Variants in PLA2G12A observed in about 807,000 individuals in gnomAD.
PLA2G12A encodes group XIIA secretory phospholipase A2.
Under a neutral mutation model 16.0 loss-of-function variants are expected in PLA2G12A, and 11 were observed. That is an observed-to-expected ratio of 0.69 (90% CI 0.43 to 1.13). The LOEUF (loss-of-function observed/expected upper bound fraction) is 1.13. Ranked by LOEUF, PLA2G12A falls within the 50% of genes most tolerant of loss-of-function variation. PLA2G12A has a pLI of 0.00. For synonymous variants in PLA2G12A, 77 were observed against 93.8 expected, an observed-to-expected ratio of 0.82 and a Z score of 1.03; for missense variants, 214 against 237.3, an observed-to-expected ratio of 0.90 and a Z score of 0.65.
At chr4:109,721,599 C>T (rs1164977784) in intron 1 of PLA2G12A, among the ~76,000 whole-genome samples, 1 of 152,144 alleles carries the variant, frequency 6.6e-6, no homozygotes, top group Non-Finnish European at 1.5e-5. Flanking sequence ...GGATTACAGG[C>T]ATGAGCCACC....
rs370903532 is a variant in PLA2G12A, at chr4:109,729,787, G to A, written c.23C>T (p.Ala8Val). The A allele has an allele frequency of 7.7e-6, 12 of 1,556,582 alleles. No individual in the cohort carries two copies. The highest frequency in any genetic ancestry group is 1.0e-5 in the Non-Finnish European group (12 of 1,150,972). Residue 8 changes from alanine (A) to valine (V), a missense_variant, in exon 1 of 4, where the codon GCG becomes GTG. Transcript: ENST00000243501. ...CATGAGGAGGAGCAGGAGGGTGAGCGCGGGGCGCGAGAGCAGGGCCATGCG... is the reference window on the plus strand; with the variant it reads ...CATGAGGAGGAGCAGGAGGGTGAGCACGGGGCGCGAGAGCAGGGCCATGCG... MALLSRP[A>V]LTLLLLLMAA... is the part of the protein sequence containing the mutation.
At chr4:109,721,507 A>G (rs1730943719) in intron 1 of PLA2G12A, among the ~76,000 whole-genome samples, 1 of 152,024 alleles carries the variant, frequency 6.6e-6, no homozygotes, top group Non-Finnish European at 1.5e-5. Context: ...TTTTTAGTAG[A>G]GACGGGGCTT....
At chr4:109,718,831 A>G (rs1372758630) in intron 1 of PLA2G12A, 72 bp from the exon 2 acceptor site, 38 of 953,674 alleles carry the variant, frequency 4.0e-5, no homozygotes, top group Non-Finnish European at 5.7e-5. Flanking sequence ...AAAAAGGTCA[A>G]TATGCTACAT....
rs567890100 is a variant in PLA2G12A at position 109,720,260 on chromosome 4, T to C, written c.209-1501A>G. On this transcript the variant is annotated intron_variant, in intron 1 of 3. Coordinates refer to ENST00000243501, the MANE Select transcript of PLA2G12A (RefSeq NM_030821.5). ...TTCCCAGGTATTTTACCCTAAGACA[T>C]GGCAGTTTCCAAATACAACCCCACA... 5.9e-5 allele frequency among the ~76,000 whole-genome samples: 9 copies of C among 152,254 alleles called. No homozygotes were observed. In the South Asian group the frequency reaches 1.9e-3, roughly 32 times the overall value.
chr4:109,724,496 T>C (rs1722890233), intron 1 of PLA2G12A, among the ~76,000 whole-genome samples: 2 of 152,208 alleles, frequency 1.3e-5, no homozygotes, highest in Admixed American at 6.5e-5. Context: ...CTTCCTTTTG[T>C]ATTTTATCTA....
chr4:109,727,106 T>TTTATTATTA (rs562237417), intron 1 of PLA2G12A, among the ~76,000 whole-genome samples: 2 of 150,684 alleles, frequency 1.3e-5, no homozygotes, highest in South Asian at 4.2e-4. Context: ...TAACAGCAAT[T>TTTATTATTA]TTATTATTAT....
rs1730759465 is a variant in PLA2G12A at position 109,712,806 on chromosome 4, AATT to A, written c.*1568_*1570del. On this transcript the variant is annotated 3_prime_UTR_variant, in exon 4 of 4. Transcript: ENST00000243501. ...CCACTGTGCCCAGCCGATAAGCATTAATTATTAATAATGGCTTACAAAACTGTA... is the reference window on the plus strand; with the variant it reads ...CCACTGTGCCCAGCCGATAAGCATTAATTAATAATGGCTTACAAAACTGTA... 6.6e-6 allele frequency: 1 copy of A among 152,150 alleles called. No individual in the cohort carries two copies. Among genetic ancestry groups the A allele is most frequent in the South Asian group, 2.1e-4 (1 of 4,826 alleles). 9.4% of individuals were successfully genotyped at this position (152,150 alleles called of 1,614,324 possible). A position where few individuals can be genotyped will look rare whatever the true frequency, so the allele number is the denominator to read the frequency against.
intron 1 of PLA2G12A, among the ~76,000 whole-genome samples, chr4:109,720,657 AAT>A (rs1290653445): frequency 4.9e-5 from 7 of 143,786 alleles, no homozygotes; most frequent in African/African-American, 1.8e-4. Context: ...ATTTTAAAAA[AAT>A]AAAAAAAGAA....
chr4:109,722,343 G>A (rs976113059), intron 1 of PLA2G12A, among the ~76,000 whole-genome samples: 4 of 152,170 alleles, frequency 2.6e-5, no homozygotes, highest in African/African-American at 9.7e-5. Flanking sequence ...CTCCTTTACT[G>A]CTATGGTTTG....
At chr4:109,720,587 AAAAAAAAAAAAAAAAAAATATATAT>A (rs1277589722) in intron 1 of PLA2G12A, among the ~76,000 whole-genome samples, 122 of 50,568 alleles carry the variant, frequency 2.4e-3, no homozygotes, top group South Asian at 9.9e-3. Flanking sequence ...AAAAAAAAAA[AAAAAAAAAAAAAAAAAAATATATAT>A]ATATATATAT....
At chr4:109,715,419 A>T (rs1730811984) in intron 3 of PLA2G12A, among the ~76,000 whole-genome samples, 1 of 152,210 alleles carries the variant, frequency 6.6e-6, no homozygotes, top group East Asian at 1.9e-4. Flanking sequence ...GGAGCATATA[A>T]ATCAAAAGTA....
At chr4:109,720,669 AAG>A (rs1054143550) in intron 1 of PLA2G12A, among the ~76,000 whole-genome samples, 2 of 145,958 alleles carry the variant, frequency 1.4e-5, no homozygotes, top group African/African-American at 5.0e-5. Context: ...TAAAAAAAGA[AAG>A]AGAAAAAAAT....
chr4:109,728,522 G>C (rs1722982756), intron 1 of PLA2G12A, among the ~76,000 whole-genome samples: 1 of 152,190 alleles, frequency 6.6e-6, no homozygotes, highest in South Asian at 2.1e-4. Flanking sequence ...TAACGTTTAG[G>C]CACAAATTTA....
At chr4:109,723,886 TA>T (rs1457117332) in intron 1 of PLA2G12A, among the ~76,000 whole-genome samples, 2 of 152,220 alleles carry the variant, frequency 1.3e-5, no homozygotes, top group African/African-American at 2.4e-5. Context: ...GTATATCATC[TA>T]AAAAAGTGTC....
rs1730733949 is a variant in PLA2G12A, at chr4:109,711,729, A to C, written c.*2648T>G. The C allele has an allele frequency of 6.6e-6, 1 of 152,162 alleles. No homozygotes were observed. The highest frequency in any genetic ancestry group is 2.4e-5 in the African/African-American group (1 of 41,438). 9.4% of individuals were successfully genotyped at this position (152,162 alleles called of 1,614,324 possible). On this transcript the variant is annotated 3_prime_UTR_variant, in exon 4 of 4. Transcript: ENST00000243501. Reference sequence around the variant, plus strand: ...CCCACCCACCACCTCCCATGACTGGACTTAGTGACTGTTTTCCAAAGAACA... The same window carrying C: ...CCCACCCACCACCTCCCATGACTGGCCTTAGTGACTGTTTTCCAAAGAACA...
At chr4:109,721,279 T>C (rs1579125118) in intron 1 of PLA2G12A, among the ~76,000 whole-genome samples, 1 of 151,994 alleles carries the variant, frequency 6.6e-6, no homozygotes, top group Non-Finnish European at 1.5e-5. Flanking sequence ...TGAGTCACCA[T>C]GATCCTTCAA....
intron 1 of PLA2G12A, among the ~76,000 whole-genome samples, chr4:109,722,520 C>G (rs922516417): frequency 6.6e-6 from 1 of 152,230 alleles, no homozygotes. Flanking sequence ...CATCCATCAC[C>G]ATGTGAGGAC....
At position 109,729,887 on chromosome 4, in the gene PLA2G12A, G is replaced by C. The variant is rs2126169768; in HGVS notation, c.-78C>G. 4 of 1,307,514 alleles carry C rather than the reference G, an allele frequency of 3.1e-6. No individual in the cohort carries two copies. The South Asian group carries it at 6.2e-5, about 20-fold the overall frequency. The allele number at this position is 1,307,514 out of a possible 1,614,324, so 81.0% of individuals were successfully genotyped here. On this transcript the variant is annotated 5_prime_UTR_variant, in exon 1 of 4. Coordinates refer to ENST00000243501, the MANE Select transcript of PLA2G12A (RefSeq NM_030821.5). ...CCACAGAGTCCCCAGGACGCGCTAG[G>C]CAGCGGCGCGGGCCCCGGACTTGGC...
intron 3 of PLA2G12A, among the ~76,000 whole-genome samples, chr4:109,716,708 T>C (rs1199161295): frequency 2.0e-5 from 3 of 152,182 alleles, no homozygotes; most frequent in Non-Finnish European, 4.4e-5. Flanking sequence ...TTCACCATAA[T>C]ACCTCATGGC....
Sources: allele counts gnomAD v4.1 joint callset (sites outside exome capture counted in the v4.1 genomes callset), GRCh38; gene constraint gnomAD v4.1.1; transcripts MANE v1.5; gene names NCBI Gene and HGNC (gene_info 2026-07-23, HGNC 2026-07-21).